The following RPTOR variants were observed in gnomAD, a reference collection of about 807,000 sequenced individuals.
RPTOR encodes the protein regulatory-associated protein of mTOR.
In RPTOR, 21 loss-of-function variants were observed where a neutral mutation model predicts 169.9. The observed-to-expected ratio is 0.12, with a 90% CI of 0.09 to 0.18. The LOEUF (loss-of-function observed/expected upper bound fraction) is 0.18, where lower values mean the gene tolerates loss of function less well. RPTOR is among the 10% of genes least tolerant of loss of function. RPTOR has a pLI of 1.00. For missense variants in RPTOR, 1,133 were observed against 1,855.9 expected (o/e 0.61, Z 7.16); for synonymous variants, 732 against 753.2 (o/e 0.97, Z 0.46).
chr17:80,883,548 A>T, intron 15 of RPTOR, 64 bp downstream of exon 15: 1 of 1,536,534 alleles, frequency 6.5e-7, no homozygotes, highest in Non-Finnish European at 9.0e-7. Context: ...AGCTGGGCCC[A>T]CTGTGAAACG....
Position 80,789,681 on chromosome 17 carries a change from G to A in RPTOR, c.831-1769G>A, listed in dbSNP as rs762645868. ...CCAGTAAGGCTGCTGCCTTTCAGTC[G>A]CATGCTAACCCCCACATGACTTGTG... On this transcript the variant is annotated intron_variant, in intron 6 of 33. Transcript: ENST00000306801. 1.5e-4 allele frequency among the ~76,000 whole-genome samples: 23 copies of A among 152,272 alleles called. 1 individual carries two copies. Among genetic ancestry groups the A allele is most frequent in the East Asian group, 5.8e-4 (3 of 5,184 alleles).
intron 21 of RPTOR, among the ~76,000 whole-genome samples, chr17:80,916,097 C>A (rs909571708): frequency 6.6e-5 from 10 of 152,140 alleles, no homozygotes; most frequent in African/African-American, 2.4e-4. Context: ...TTGGGACCCA[C>A]CAAATGTCAG....
chr17:80,958,578 T>A (rs528897354), intron 29 of RPTOR, among the ~76,000 whole-genome samples: 132 of 148,848 alleles, frequency 8.9e-4, no homozygotes, highest in Admixed American at 1.8e-3. Flanking sequence ...GCCCAGCTAA[T>A]TTTTTTTTTG....
At chr17:80,911,780 G>A (rs573335467) in intron 21 of RPTOR, among the ~76,000 whole-genome samples, 46 of 152,172 alleles carry the variant, frequency 3.0e-4, no homozygotes, top group Non-Finnish European at 3.7e-4. Flanking sequence ...GTGAGACCGT[G>A]TCTTTTAAAA....
chr17:80,569,047 T>A (rs2064875474), intron 1 of RPTOR, among the ~76,000 whole-genome samples: 1 of 152,214 alleles, frequency 6.6e-6, no homozygotes. Flanking sequence ...CCATTTGGAT[T>A]TCTTTCTTCG....
intron 1 of RPTOR, among the ~76,000 whole-genome samples, chr17:80,567,556 C>G (rs963945121): frequency 1.6e-4 from 25 of 151,756 alleles, no homozygotes; most frequent in African/African-American, 5.3e-4. Flanking sequence ...CTTTGGGAGG[C>G]CGAGGCAGGC....
intron 7 of RPTOR, among the ~76,000 whole-genome samples, chr17:80,800,358 AG>A (rs1361977469): frequency 6.6e-6 from 1 of 152,222 alleles, no homozygotes; most frequent in Non-Finnish European, 1.5e-5. Flanking sequence ...CTCAAAATCA[AG>A]GCTCCTCAGG....
At chr17:80,658,500 C>G (rs959549943) in intron 3 of RPTOR, among the ~76,000 whole-genome samples, 4 of 152,204 alleles carry the variant, frequency 2.6e-5, no homozygotes, top group Admixed American at 1.3e-4. Context: ...CCCGCACCCC[C>G]CTGTCCAGCT....
At chr17:80,781,698 G>T (rs527855959) in intron 6 of RPTOR, among the ~76,000 whole-genome samples, 1 of 152,138 alleles carries the variant, frequency 6.6e-6, no homozygotes, top group Admixed American at 6.5e-5. Flanking sequence ...ACTAAATTTC[G>T]ATCCCAACTC....
chr17:80,569,355 G>T (rs4889858), intron 1 of RPTOR, among the ~76,000 whole-genome samples: 147,162 of 152,310 alleles, frequency 0.97, 71,111 homozygotes, highest in East Asian at 1. Context: ...GGGCTTGTTT[G>T]CTGTCTTTTA....
chr17:80,739,113 C>T (rs2066459702), intron 5 of RPTOR, among the ~76,000 whole-genome samples: 1 of 64,136 alleles, frequency 1.6e-5, no homozygotes, highest in Non-Finnish European at 3.5e-5. Flanking sequence ...GACCCATCTG[C>T]CTGGCCCTGC....
At chr17:80,606,076 A>G (rs2065226502) in intron 1 of RPTOR, among the ~76,000 whole-genome samples, 1 of 151,912 alleles carries the variant, frequency 6.6e-6, no homozygotes, top group South Asian at 2.1e-4. Flanking sequence ...CAGTGGTGCG[A>G]TCTGGGCTCA....
At chr17:80,654,835 G>A (rs2065667762) in intron 3 of RPTOR, among the ~76,000 whole-genome samples, 1 of 152,186 alleles carries the variant, frequency 6.6e-6, no homozygotes, top group Non-Finnish European at 1.5e-5. Flanking sequence ...ATAAAAGAGT[G>A]CTTTGCAAAA....
chr17:80,700,702 G>C (rs368842273), intron 3 of RPTOR, among the ~76,000 whole-genome samples: 2 of 61,982 alleles, frequency 3.2e-5, no homozygotes, highest in Non-Finnish European at 3.4e-5. Context: ...TGGTGATGGT[G>C]GTGGTGATGG....
At position 80,601,555 on chromosome 17, in the gene RPTOR, C is replaced by CTTTT. The variant is rs536196387; in HGVS notation, c.163-24122_163-24119dup. Among the ~76,000 whole-genome samples the CTTTT allele has an allele frequency of 7.4e-3, 134 of 17,996 alleles. 31 individuals carry two copies. The highest frequency in any genetic ancestry group is 0.043 in the African/African-American group (124 of 2,870). 11.8% of individuals were successfully genotyped at this position (17,996 alleles called of 152,430 possible). A position where few individuals can be genotyped will look rare whatever the true frequency, so the allele number is the denominator to read the frequency against. On this transcript the variant is annotated intron_variant, in intron 1 of 33. Transcript: ENST00000306801. ...CTGCTGTTGGTGAAGATGGTTCAGT[C>CTTTT]TTTTTTTTTTTTTTTTTAAATTTAT...
At chr17:80,640,120 C>G (rs1181058127) in intron 2 of RPTOR, among the ~76,000 whole-genome samples, 1 of 147,820 alleles carries the variant, frequency 6.8e-6, no homozygotes, top group Non-Finnish European at 1.5e-5. Flanking sequence ...TTACCATCTC[C>G]TTTTCCATCC....
chr17:80,562,554 C>T lies in RPTOR; in HGVS notation c.162+16763C>T, dbSNP rs1314899492. On this transcript the variant is annotated intron_variant, in intron 1 of 33. Transcript: ENST00000306801. This position sits in a 1 kb window ranked among gnomAD's most constrained non-coding sequence, Gnocchi z 4.4. ...ATCCCAGCACTTTGGGAGGCTGAGG[C>T]GGACGGATCACTTGAAGTCAGGAGT... Among the ~76,000 whole-genome samples the T allele has an allele frequency of 1.3e-5, 2 of 152,290 alleles. No homozygotes were observed. Among genetic ancestry groups the T allele is most frequent in the South Asian group, 4.1e-4 (2 of 4,826 alleles).
intron 21 of RPTOR, among the ~76,000 whole-genome samples, chr17:80,910,842 C>CTT (rs11351495): frequency 2.8e-4 from 39 of 137,786 alleles, no homozygotes; most frequent in African/African-American, 1.0e-3. Flanking sequence ...TTCTTCAGTT[C>CTT]TTTTTTTTTT....
At chr17:80,839,311 T>G (rs956978244) in intron 10 of RPTOR, among the ~76,000 whole-genome samples, 1 of 152,234 alleles carries the variant, frequency 6.6e-6, no homozygotes, top group Non-Finnish European at 1.5e-5. Context: ...CCTCCCATTA[T>G]TGCTTGATTT....
Sources: gnomAD v4.1 joint callset for allele counts (sites outside exome capture counted in the v4.1 genomes callset) on GRCh38, gnomAD v4.1.1 for gene constraint, Gnocchi (gnomAD v3.1) non-coding constraint, MANE v1.5 for transcripts, NCBI Gene and HGNC (gene_info 2026-07-23, HGNC 2026-07-21) for gene names.